SLC35D4: variants seen among roughly 807,000 people sequenced by gnomAD.
SLC35D4 encodes solute carrier family 35 member D4.
chr18:23,324,073 ACTCTGT>A, the SLC35D4 span, among the ~76,000 whole-genome samples: 2 of 150,742 alleles, frequency 1.3e-5, no homozygotes, highest in Non-Finnish European at 3.0e-5. Context: ...AGGAAGTGAG[ACTCTGT>A]CTCAAAAGAA....
At chr18:23,276,565 A>G in the SLC35D4 span, among the ~76,000 whole-genome samples, 1 of 151,960 alleles carries the variant, frequency 6.6e-6, no homozygotes, top group Non-Finnish European at 1.5e-5. Flanking sequence ...TGCTGCCACC[A>G]GTGTTGTGGT....
chr18:23,381,777 G>A, the SLC35D4 span, among the ~76,000 whole-genome samples: 1 of 152,120 alleles, frequency 6.6e-6, no homozygotes, highest in Non-Finnish European at 1.5e-5. Flanking sequence ...CCTGCTAGAG[G>A]GAAACATCCC....
the SLC35D4 span, among the ~76,000 whole-genome samples, chr18:23,294,752 CT>C: frequency 1.3e-5 from 2 of 152,040 alleles, no homozygotes; most frequent in Non-Finnish European, 2.9e-5. Flanking sequence ...CAGTGAACCC[CT>C]ATCTCAAGCA....
At chr18:23,384,692 C>T in the SLC35D4 span, among the ~76,000 whole-genome samples, 2 of 152,272 alleles carry the variant, frequency 1.3e-5, no homozygotes, top group South Asian at 2.1e-4. Context: ...CTGGATTGGC[C>T]GGGGGTAGGA....
the SLC35D4 span, among the ~76,000 whole-genome samples, chr18:23,283,471 C>CAAAAAAAAAAAAAAAAA: frequency 9.0e-5 from 4 of 44,434 alleles, no homozygotes; most frequent in Non-Finnish European, 1.3e-4. Flanking sequence ...GACCCAGTCT[C>CAAAAAAAAAAAAAAAAA]AAAAAAAAAA....
chr18:23,429,443 A>G, the SLC35D4 span, among the ~76,000 whole-genome samples: 27,391 of 151,846 alleles, frequency 0.18, 3,905 homozygotes, highest in African/African-American at 0.35. Flanking sequence ...TCCAACCTCC[A>G]GCTCACTCCA....
At chr18:23,323,626 C>G in the SLC35D4 span, among the ~76,000 whole-genome samples, 1 of 152,152 alleles carries the variant, frequency 6.6e-6, no homozygotes, top group Admixed American at 6.5e-5. Context: ...CAGCTCTTGC[C>G]ACGCAACCTA....
the SLC35D4 span, chr18:23,297,886 C>T: frequency 2.7e-5 from 33 of 1,227,130 alleles, no homozygotes; most frequent in Non-Finnish European, 3.7e-5. Flanking sequence ...CCTGGCCTCA[C>T]TGTCCTTGCA....
chr18:23,248,444 G>T, the SLC35D4 span, among the ~76,000 whole-genome samples: 1 of 151,862 alleles, frequency 6.6e-6, no homozygotes, highest in Non-Finnish European at 1.5e-5. Flanking sequence ...CACTCAGGAG[G>T]CAGAGGCAGG....
chr18:23,396,834 A>G, the SLC35D4 span, among the ~76,000 whole-genome samples: 1 of 152,034 alleles, frequency 6.6e-6, no homozygotes, highest in African/African-American at 2.4e-5. Flanking sequence ...TGTAAAATCA[A>G]TGCATCGCTT....
chr18:23,356,685 A>C, the SLC35D4 span: 1,354 of 1,613,226 alleles, frequency 8.4e-4, 7 homozygotes, highest in African/African-American at 0.016. The surrounding 1 kb of genome is among the most constrained non-coding windows in gnomAD (Gnocchi z 4.1). Flanking sequence ...AGCAATGGTG[A>C]AACAGTGACC....
At chr18:23,405,212 G>C in the SLC35D4 span, among the ~76,000 whole-genome samples, 1 of 151,980 alleles carries the variant, frequency 6.6e-6, no homozygotes, top group Non-Finnish European at 1.5e-5. Context: ...ATTTGAGATG[G>C]AGTCTCGCTC....
At chr18:23,380,449 T>G in the SLC35D4 span, among the ~76,000 whole-genome samples, 1 of 152,090 alleles carries the variant, frequency 6.6e-6, no homozygotes, top group Non-Finnish European at 1.5e-5. Flanking sequence ...CCATCCTGCC[T>G]GACTCAGCTC....
chr18:23,317,438 C>T, the SLC35D4 span, among the ~76,000 whole-genome samples: 1 of 152,184 alleles, frequency 6.6e-6, no homozygotes, highest in Non-Finnish European at 1.5e-5. Context: ...ATCATCTTAT[C>T]ATCACTGCAG....
At chr18:23,403,354 T>C in the SLC35D4 span, among the ~76,000 whole-genome samples, 1 of 152,224 alleles carries the variant, frequency 6.6e-6, no homozygotes, top group Admixed American at 6.5e-5. Context: ...TAAGGGAAAC[T>C]GACCTAATCA....
At chr18:23,369,401 G>A in the SLC35D4 span, among the ~76,000 whole-genome samples, 173 of 152,282 alleles carry the variant, frequency 1.1e-3, no homozygotes, top group African/African-American at 4.0e-3. Flanking sequence ...CTGAAGTCTT[G>A]TCTTTTCTCA....
chr18:23,377,236 A>G, the SLC35D4 span, among the ~76,000 whole-genome samples: 1 of 152,240 alleles, frequency 6.6e-6, no homozygotes, highest in Non-Finnish European at 1.5e-5. Context: ...GCTATGGCCC[A>G]GGACTGCAGT....
chr18:23,403,781 AG>A, the SLC35D4 span, among the ~76,000 whole-genome samples: 3 of 152,214 alleles, frequency 2.0e-5, no homozygotes, highest in Non-Finnish European at 4.4e-5. Context: ...AACTGGATCA[AG>A]GATCCTTTCC....
At chr18:23,247,947 C>T in the SLC35D4 span, among the ~76,000 whole-genome samples, 1 of 152,352 alleles carries the variant, frequency 6.6e-6, no homozygotes, top group Admixed American at 6.5e-5. Flanking sequence ...CCTCCCTGCC[C>T]ACTCCCTGCC....
Sources: allele counts gnomAD v4.1 joint callset (sites outside exome capture counted in the v4.1 genomes callset), GRCh38; gene constraint gnomAD v4.1.1; non-coding constraint Gnocchi (gnomAD v3.1); transcripts MANE v1.5; gene names NCBI Gene and HGNC (gene_info 2026-07-23, HGNC 2026-07-21).